The following PTGIR variants were observed in gnomAD, a reference collection of about 807,000 sequenced individuals.
PTGIR encodes prostacyclin receptor.
PTGIR carries 16 observed loss-of-function variants against 17.6 expected under a neutral mutation model. That is an observed-to-expected ratio of 0.91 (90% CI 0.61 to 1.38). The LOEUF (loss-of-function observed/expected upper bound fraction) is 1.38. PTGIR is among the 40% of genes most tolerant of loss of function. The pLI is 0.00. For synonymous variants in PTGIR, 274 were observed against 255.4 expected, an observed-to-expected ratio of 1.07 and a Z score of -0.69; for missense variants, 532 against 548.6, an observed-to-expected ratio of 0.97 and a Z score of 0.30.
At chr19:46,619,180 C>T (rs575299287), downstream of PTGIR, among the ~76,000 whole-genome samples, 1 of 152,044 alleles carries the variant, frequency 6.6e-6, no homozygotes, top group Non-Finnish European at 1.5e-5. Flanking sequence ...ATCTCTGGAC[C>T]TGGACTCCGT....
rs768864178 is a variant in PTGIR, at chr19:46,621,445, G to T, written c.996C>A (p.Asp332Glu). The change falls in exon 3 of 3, where the codon GAC becomes GAA. Residue 332 changes from aspartate to glutamate, a missense_variant. Transcript: ENST00000291294. The surrounding 1 kb of genome is among the most constrained non-coding windows in gnomAD (Gnocchi z 4.8). ...CCACAGGAGCAGAGGGGGCCCTTGG[G>T]TCCCTCCTCCCTGAGGCGAGCTGGG... ...PLSQLASGRR[D>E]PRAPSAPVGK... The T allele has an allele frequency of 3.7e-6, 6 of 1,613,666 alleles. No individual in the cohort carries two copies. The highest frequency in any genetic ancestry group is 5.1e-6 in the Non-Finnish European group (6 of 1,179,754).
chr19:46,620,988 A>C lies in PTGIR; in HGVS notation c.*292T>G. On this transcript the variant is annotated 3_prime_UTR_variant, in exon 3 of 3. Coordinates refer to ENST00000291294, the MANE Select transcript of PTGIR (RefSeq NM_000960.4). Reference sequence around the variant, plus strand: ...GCCTCTGGGAACTTCTCCGCCTTCTAAATATTTAGACAATGAGATGGATGG... The same window carrying C: ...GCCTCTGGGAACTTCTCCGCCTTCTCAATATTTAGACAATGAGATGGATGG... 1 of 1,094,542 alleles carries C rather than the reference A, an allele frequency of 9.1e-7. No individual in the cohort carries two copies. Among genetic ancestry groups the C allele is most frequent in the Non-Finnish European group, 1.1e-6 (1 of 900,772 alleles). The allele number at this position is 1,094,542 out of a possible 1,614,324, so 67.8% of individuals were successfully genotyped here.
At position 46,621,486 on chromosome 19, in the gene PTGIR, A is replaced by G. The variant is rs776385420; in HGVS notation, c.955T>C (p.Ser319Pro). ...CLCLGPAHGD[S>P]QTPLSQLASG... ...GCGAGCTGGGAAAGGGGTGTCTGCG[A>G]GTCTCCGTGGGCAGGCCCGAGGCAC... Residue 319 changes from serine (S) to proline (P), a missense_variant, in exon 3 of 3, where the codon TCG becomes CCG. Ser to Pro is a moderately conservative substitution (Grantham distance 74). Transcript: ENST00000291294. This position sits in a 1 kb window ranked among gnomAD's most constrained non-coding sequence, Gnocchi z 4.8. The G allele has an allele frequency of 6.2e-7, 1 of 1,614,174 alleles. No individual in the cohort carries two copies. Among genetic ancestry groups the G allele is most frequent in the Admixed American group, 1.7e-5 (1 of 60,028 alleles).
chr19:46,612,710 G>A, the PTGIR span, among the ~76,000 whole-genome samples: 1 of 152,194 alleles, frequency 6.6e-6, no homozygotes, highest in Non-Finnish European at 1.5e-5. Flanking sequence ...TGAGGCTGGC[G>A]TCCCAGTGGT....
In PTGIR at chr19:46,621,402, C is replaced by A. The variant is rs369532119; in HGVS notation, c.1039G>T (p.Val347Leu). 2 of 1,602,022 alleles carry A rather than the reference C, an allele frequency of 1.2e-6. No homozygotes were observed. The highest frequency in any genetic ancestry group is 1.1e-5 in the South Asian group (1 of 90,238). ...SAPVGKEGSCVPLSAWGEGQV... is the reference protein window; with the variant it reads ...SAPVGKEGSCLPLSAWGEGQV... ...CCCTCGCCCCAAGCCGACAAAGGCA[C>A]GCAGCTCCCCTCCTTTCCCACAGGA... The change falls in exon 3 of 3, where the codon GTG becomes TTG. Residue 347 changes from valine (V) to leucine (L), a missense_variant. Val to Leu is a conservative substitution (Grantham distance 32). Coordinates refer to ENST00000291294, the MANE Select transcript of PTGIR (RefSeq NM_000960.4). This position sits in a 1 kb window ranked among gnomAD's most constrained non-coding sequence, Gnocchi z 4.8.
intron 1 of PTGIR, 191 bp from the exon 2 acceptor site, chr19:46,624,428 A>T (rs1237038019): frequency 2.2e-5 from 10 of 447,754 alleles, no homozygotes; most frequent in African/African-American, 2.1e-4. Context: ...GTCTCTCCCC[A>T]CCTTCCTGTT....
intron 2 of PTGIR, chr19:46,623,154 A>C (rs1027704293): frequency 4.3e-4 from 90 of 210,126 alleles, no homozygotes; most frequent in African/African-American, 1.6e-3. Context: ...GCTACTTTTT[A>C]TTTATTTATT....
the PTGIR span, among the ~76,000 whole-genome samples, chr19:46,615,009 G>A: frequency 1.3e-5 from 2 of 152,014 alleles, no homozygotes; most frequent in African/African-American, 4.8e-5. Context: ...GCAACAGTGA[G>A]ACCCTGTCTG....
chr19:46,619,564 A>C (rs1972017838), downstream of PTGIR, among the ~76,000 whole-genome samples: 1 of 132,102 alleles, frequency 7.6e-6, no homozygotes, highest in East Asian at 2.3e-4. Context: ...AGAGAGAGAG[A>C]GAGAGAGAGA....
intron 2 of PTGIR, 105 bp downstream of exon 2, chr19:46,623,353 G>A (rs2052753067): frequency 7.5e-7 from 1 of 1,332,838 alleles, no homozygotes; most frequent in African/African-American, 1.5e-5. Context: ...TGCCCACGAT[G>A]TCTCACCTCT....
In PTGIR at chr19:46,623,555, A is replaced by G. The variant is rs201189022; in HGVS notation, c.671T>C (p.Leu224Pro). ...CTCTCCGGTGCGCGGCCGTGGACCC[A>G]GAGAGCCCTGGTGGCGCTTCTGCTG... ...YRQQKRHQGS[L>P]GPRPRTGEDE... is the part of the protein sequence containing the mutation. The change falls in exon 2 of 3, where the codon CTG (leucine) becomes CCG (proline). Residue 224 changes from leucine to proline, a missense_variant. Coordinates refer to ENST00000291294, the MANE Select transcript of PTGIR (RefSeq NM_000960.4). The G allele has an allele frequency of 1.9e-6, 3 of 1,555,610 alleles. No homozygotes were observed. The highest frequency in any genetic ancestry group is 2.6e-6 in the Non-Finnish European group (3 of 1,149,468).
chr19:46,621,506 A>C lies in PTGIR; in HGVS notation c.935T>G (p.Leu312Arg), dbSNP rs756280298. ...RLKLWVCCLC[L>R]GPAHGDSQTP... The stretch of plus-strand genomic sequence containing the variant: ...CTGCGAGTCTCCGTGGGCAGGCCCG[A>C]GGCACAGGCAGCAGACCCAGAGCTT... Residue 312 changes from leucine (L) to arginine (R), a missense_variant, in exon 3 of 3, where the codon CTC becomes CGC. Leu to Arg is a moderately radical substitution (Grantham distance 102). Transcript: ENST00000291294. The surrounding 1 kb of genome is among the most constrained non-coding windows in gnomAD (Gnocchi z 4.8). The C allele has an allele frequency of 2.5e-6, 4 of 1,614,186 alleles. No homozygotes were observed. The South Asian group carries it at 4.4e-5, about 18-fold the overall frequency.
chr19:46,617,924 C>T (rs1463381415), downstream of PTGIR, among the ~76,000 whole-genome samples: 3 of 151,682 alleles, frequency 2.0e-5, no homozygotes, highest in South Asian at 2.1e-4. Flanking sequence ...CTGCAACCTC[C>T]GCCTCCCAGG....
In PTGIR at chr19:46,622,304, G is replaced by C. The variant is rs1568678491; in HGVS notation, c.769-632C>G. On this transcript the variant is annotated intron_variant, in intron 2 of 2. Coordinates refer to ENST00000291294, the MANE Select transcript of PTGIR (RefSeq NM_000960.4). ...AGGCAGAGGGGAGCCAGGTAGGTGG[G>C]AGATCAGGCTCTACAATGGAAGGAC... The C allele has an allele frequency of 4.1e-6, 4 of 985,316 alleles. No individual in the cohort carries two copies. The South Asian group carries it at 1.4e-4, about 35-fold the overall frequency. The allele number at this position is 985,316 out of a possible 1,614,324, so 61.0% of individuals were successfully genotyped here. A position where few individuals can be genotyped will look rare whatever the true frequency, so the allele number is the denominator to read the frequency against.
chr19:46,613,276 C>A, the PTGIR span, among the ~76,000 whole-genome samples: 5 of 151,658 alleles, frequency 3.3e-5, no homozygotes, highest in African/African-American at 1.2e-4. Flanking sequence ...TTCCTGACCT[C>A]AAATGACCTC....
Position 46,624,016 on chromosome 19 carries a change from G to A in PTGIR, c.210C>T (p.Ala70=), listed in dbSNP as rs772250041. The change falls in exon 2 of 3, where the codon GCC becomes GCT. Residue 70 remains alanine, a synonymous_variant. Transcript: ENST00000291294. The part of the protein sequence containing the change: ...DLLGTSFLSP[A]VFVAYARNSS... ...TGTTGCGCGCATAGGCCACGAACAC[G>A]GCCGGGCTCAGGAAGCTGGTGCCCA... 12 of 1,543,804 alleles carry A rather than the reference G, an allele frequency of 7.8e-6. No homozygotes were observed. The highest frequency in any genetic ancestry group is 1.4e-5 in the African/African-American group (1 of 72,814).
At chr19:46,619,531 AAGAAAGAAAGAAAGAAAGAGAGAGAG>A (rs1231743919), downstream of PTGIR, among the ~76,000 whole-genome samples, 5 of 70,554 alleles carry the variant, frequency 7.1e-5, no homozygotes, top group African/African-American at 5.9e-5. Flanking sequence ...GAAAGAAAGA[AAGAAAGAAAGAAAGAAAGAGAGAGAG>A]AGAGAGAGAG....
At chr19:46,614,226 G>A in the PTGIR span, among the ~76,000 whole-genome samples, 1 of 152,096 alleles carries the variant, frequency 6.6e-6, no homozygotes, top group African/African-American at 2.4e-5. Context: ...TGGGATCCTC[G>A]GGCTCCCAAG....
chr19:46,619,497 A>AAAAGAAAGAAAGAAAG (rs1176986063), downstream of PTGIR, among the ~76,000 whole-genome samples: 22 of 110,558 alleles, frequency 2.0e-4, no homozygotes, highest in South Asian at 3.1e-4. Flanking sequence ...TCTGTCTCAA[A>AAAAGAAAGAAAGAAAG]AAAGAAAGAA....
Sources: gnomAD v4.1 joint callset for allele counts (sites outside exome capture counted in the v4.1 genomes callset) on GRCh38, gnomAD v4.1.1 for gene constraint, Gnocchi (gnomAD v3.1) non-coding constraint, MANE v1.5 for transcripts, NCBI Gene and HGNC (gene_info 2026-07-23, HGNC 2026-07-21) for gene names.